CABCOCO1: variants seen among roughly 807,000 people sequenced by gnomAD.
CABCOCO1 encodes the protein ciliary-associated calcium-binding coiled-coil protein 1.
A neutral mutation model predicts 35.7 loss-of-function variants in CABCOCO1; 28 were observed. The ratio of observed to expected loss-of-function variants is 0.78; its 90% CI spans 0.58 to 1.07. The LOEUF is 1.07. Ranked by LOEUF, CABCOCO1 falls within the 50% of genes least tolerant of loss-of-function variation. The pLI, the probability that CABCOCO1 is intolerant of heterozygous loss-of-function variation, is 0.00. For synonymous variants in CABCOCO1, 95 were observed against 100.1 expected, an observed-to-expected ratio of 0.95 and a Z score of 0.30; for missense variants, 326 against 309.2, an observed-to-expected ratio of 1.05 and a Z score of -0.41.
chr10:61,742,056 C>T (rs765671781), intron 5 of CABCOCO1, among the ~76,000 whole-genome samples: 2 of 151,966 alleles, frequency 1.3e-5, no homozygotes, highest in Admixed American at 6.6e-5. Flanking sequence ...AGGATAGTGG[C>T]GTGGAAGGTA....
chr10:61,727,297 A>G (rs1841180108), intron 5 of CABCOCO1, among the ~76,000 whole-genome samples: 1 of 152,174 alleles, frequency 6.6e-6, no homozygotes, highest in Non-Finnish European at 1.5e-5. Flanking sequence ...TGGAATTTTC[A>G]ATTATCTTAA....
chr10:61,707,795 G>C (rs4590817), intron 5 of CABCOCO1, among the ~76,000 whole-genome samples: 21,973 of 151,956 alleles, frequency 0.14, 1,716 homozygotes, highest in Middle Eastern at 0.22. Flanking sequence ...TTGAATGAAT[G>C]TACTCTGCAT....
chr10:61,670,860 C>G, intron 1 of CABCOCO1, among the ~76,000 whole-genome samples: 1 of 152,196 alleles, frequency 6.6e-6, no homozygotes, highest in Non-Finnish European at 1.5e-5. Context: ...TTGCAGTTGA[C>G]TCCTAAACCA....
intron 2 of CABCOCO1, among the ~76,000 whole-genome samples, chr10:61,676,889 A>G (rs1215316299): frequency 6.6e-6 from 1 of 151,586 alleles, no homozygotes; most frequent in African/African-American, 2.4e-5. Flanking sequence ...GTGAAACCCC[A>G]TCTCTACTAA....
chr10:61,675,730 CA>C (rs981256600), intron 2 of CABCOCO1, among the ~76,000 whole-genome samples: 35 of 141,090 alleles, frequency 2.5e-4, no homozygotes, highest in East Asian at 1.0e-3. Context: ...AACAAGAGAC[CA>C]AAAAAAAAAC....
intron 5 of CABCOCO1, among the ~76,000 whole-genome samples, chr10:61,705,184 C>T (rs1440549583): frequency 6.6e-6 from 1 of 152,094 alleles, no homozygotes; most frequent in Non-Finnish European, 1.5e-5. Flanking sequence ...GGTACCTGAG[C>T]GAGACAGACA....
chr10:61,699,963 T>C (rs1422950982), intron 5 of CABCOCO1, among the ~76,000 whole-genome samples: 2 of 152,170 alleles, frequency 1.3e-5, no homozygotes, highest in African/African-American at 4.8e-5. Context: ...TTTATTTTAT[T>C]GATTAATTAC....
At chr10:61,765,861 G>T in intron 7 of CABCOCO1, 78 bp from the exon 8 acceptor site, 6 of 1,321,448 alleles carry the variant, frequency 4.5e-6, no homozygotes, top group Non-Finnish European at 6.5e-6. Context: ...AGGCACTATA[G>T]TATGTCAAAA....
intron 5 of CABCOCO1, among the ~76,000 whole-genome samples, chr10:61,729,151 C>T (rs1014867694): frequency 6.6e-6 from 1 of 152,060 alleles, no homozygotes; most frequent in Non-Finnish European, 1.5e-5. Flanking sequence ...CTAACTTTGA[C>T]TTCTAAGAGG....
chr10:61,727,606 G>C (rs2132049732), intron 5 of CABCOCO1, among the ~76,000 whole-genome samples: 1 of 152,152 alleles, frequency 6.6e-6, no homozygotes, highest in East Asian at 1.9e-4. Flanking sequence ...AAAGATTTTT[G>C]CATGTTTCTG....
intron 5 of CABCOCO1, among the ~76,000 whole-genome samples, chr10:61,745,738 A>C (rs190969730): frequency 3.9e-5 from 6 of 152,316 alleles, no homozygotes; most frequent in Non-Finnish European, 5.9e-5. Flanking sequence ...CTGCAGCATA[A>C]AGCTTACTGG....
At chr10:61,691,444 C>A (rs1001330848) in intron 5 of CABCOCO1, among the ~76,000 whole-genome samples, 2 of 152,058 alleles carry the variant, frequency 1.3e-5, no homozygotes, top group African/African-American at 4.8e-5. Flanking sequence ...ATTTGTAATT[C>A]CTAGAAATGA....
At chr10:61,718,284 G>A (rs1360924373) in intron 5 of CABCOCO1, among the ~76,000 whole-genome samples, 1 of 152,140 alleles carries the variant, frequency 6.6e-6, no homozygotes. Flanking sequence ...ACATTATGAT[G>A]TATGTAGGTG....
chr10:61,749,657 T>C (rs1188740546), intron 5 of CABCOCO1, among the ~76,000 whole-genome samples: 2 of 152,194 alleles, frequency 1.3e-5, no homozygotes, highest in Non-Finnish European at 2.9e-5. Context: ...TTTCCTCACA[T>C]ATAAACTAGA....
intron 5 of CABCOCO1, among the ~76,000 whole-genome samples, chr10:61,708,665 C>T (rs374737197): frequency 1.3e-5 from 2 of 152,018 alleles, no homozygotes; most frequent in African/African-American, 2.4e-5. Flanking sequence ...GTGGAGCCAT[C>T]GTGACCTAAT....
At chr10:61,724,644 C>T (rs538300866) in intron 5 of CABCOCO1, among the ~76,000 whole-genome samples, 3 of 152,162 alleles carry the variant, frequency 2.0e-5, no homozygotes, top group Non-Finnish European at 2.9e-5. Context: ...AATGTCTCAT[C>T]AGCCACAAAG....
At chr10:61,750,379 C>G (rs909676909) in intron 5 of CABCOCO1, among the ~76,000 whole-genome samples, 2 of 152,174 alleles carry the variant, frequency 1.3e-5, no homozygotes, top group Non-Finnish European at 2.9e-5. Flanking sequence ...AGTTCAAGAC[C>G]AGCCTGGCCA....
intron 2 of CABCOCO1, among the ~76,000 whole-genome samples, chr10:61,679,909 G>T (rs992585336): frequency 6.6e-6 from 1 of 151,902 alleles, no homozygotes; most frequent in Admixed American, 6.6e-5. Flanking sequence ...TTATAAAACA[G>T]TATCCAAAAT....
chr10:61,703,938 GCAGTGGCTCACGC>G (rs1442328445), intron 5 of CABCOCO1, among the ~76,000 whole-genome samples: 1 of 152,088 alleles, frequency 6.6e-6, no homozygotes, highest in African/African-American at 2.4e-5. Context: ...AAGGTCAGGC[GCAGTGGCTCACGC>G]CTGTAATCCC....
Sources: gnomAD v4.1 joint callset for allele counts (sites outside exome capture counted in the v4.1 genomes callset) on GRCh38, gnomAD v4.1.1 for gene constraint, MANE v1.5 for transcripts, NCBI Gene and HGNC (gene_info 2026-07-23, HGNC 2026-07-21) for gene names.